Variants in MAN1C1 observed in about 807,000 individuals in gnomAD.
The protein encoded by MAN1C1 is mannosidase alpha class 1C member 1, also known as mannosyl-oligosaccharide 1,2-alpha-mannosidase IC.
A neutral mutation model predicts 71.5 loss-of-function variants in MAN1C1; 49 were observed. That is an observed-to-expected ratio of 0.69 (90% CI 0.54 to 0.87). MAN1C1 has a LOEUF of 0.87. Among genes scored for constraint, MAN1C1 ranks in the 40% least tolerant of loss-of-function variants. The pLI, the probability that MAN1C1 is intolerant of heterozygous loss-of-function variation, is 0.00. For synonymous variants in MAN1C1, 352 were observed against 343.7 expected (o/e 1.02, Z -0.27); for missense variants, 743 against 835.0 (o/e 0.89, Z 1.36).
At chr1:25,657,471 A>G (rs923127936) in intron 1 of MAN1C1, among the ~76,000 whole-genome samples, 7 of 152,182 alleles carry the variant, frequency 4.6e-5, no homozygotes, top group African/African-American at 1.4e-4. Flanking sequence ...GGAGGTGCCT[A>G]CCTTCTAGTG....
intron 8 of MAN1C1, among the ~76,000 whole-genome samples, chr1:25,773,868 A>G (rs979358215): frequency 1.3e-5 from 2 of 152,162 alleles, no homozygotes; most frequent in African/African-American, 4.8e-5. Flanking sequence ...TGGGGTTTTG[A>G]AGAATTTTCT....
In MAN1C1 at chr1:25,779,342, T is replaced by C. The variant is rs1039587207; in HGVS notation, c.1477+1018T>C. Among the ~76,000 whole-genome samples the C allele has an allele frequency of 6.6e-6, 1 of 152,168 alleles. No individual in the cohort carries two copies. Among genetic ancestry groups the C allele is most frequent in the African/African-American group, 2.4e-5 (1 of 41,454 alleles). On this transcript the variant is annotated intron_variant, in intron 9 of 11. Transcript: ENST00000374332. The surrounding 1 kb of genome is among the most constrained non-coding windows in gnomAD (Gnocchi z 4.6). ...CACAGGGTCCCATGAGAAAGTACCT[T>C]GGCAGCCACCTTTGGCCAGCAGCAC...
intron 1 of MAN1C1, among the ~76,000 whole-genome samples, chr1:25,647,055 A>G (rs1365083257): frequency 6.6e-6 from 1 of 152,120 alleles, no homozygotes; most frequent in Non-Finnish European, 1.5e-5. Context: ...GGAGGTGGTG[A>G]CTTTGGAAGC....
Position 25,635,125 on chromosome 1 carries a change from G to C in MAN1C1, c.540+16788G>C, listed in dbSNP as rs1390532084. ...AAGTGATCTCCTGTCTCAGCCTCCA[G>C]AGTAACGAGGACTACAGATGTGTGC... On this transcript the variant is annotated intron_variant, in intron 1 of 11. Transcript: ENST00000374332. Among the ~76,000 whole-genome samples, 4 of 152,154 alleles carry C rather than the reference G, an allele frequency of 2.6e-5. No individual in the cohort carries two copies. In the East Asian group the frequency reaches 7.7e-4, roughly 29 times the overall value.
chr1:25,655,612 T>C (rs1408473526), intron 1 of MAN1C1, among the ~76,000 whole-genome samples: 3 of 152,148 alleles, frequency 2.0e-5, no homozygotes, highest in Non-Finnish European at 4.4e-5. Flanking sequence ...TCTAGCTTTT[T>C]AGAAGGCAGA....
rs914209859 is a variant in MAN1C1, at chr1:25,711,662, C to T, written c.637+25126C>T. Among the ~76,000 whole-genome samples the T allele has an allele frequency of 6.6e-6, 1 of 150,852 alleles. No individual in the cohort carries two copies. The highest frequency in any genetic ancestry group is 6.6e-5 in the Admixed American group (1 of 15,158). On this transcript the variant is annotated intron_variant, in intron 2 of 11. Transcript: ENST00000374332. The surrounding 1 kb of genome is among the most constrained non-coding windows in gnomAD (Gnocchi z 4.3). Reference sequence around the variant, plus strand: ...CCTGCGGCCCCGCCCCTCCTCCCTGCGGCCCCGCCCCTCCCCTGCGTGCTG... The same window carrying T: ...CCTGCGGCCCCGCCCCTCCTCCCTGTGGCCCCGCCCCTCCCCTGCGTGCTG...
intron 2 of MAN1C1, among the ~76,000 whole-genome samples, chr1:25,714,938 A>C (rs1411855609): frequency 6.6e-6 from 1 of 152,152 alleles, no homozygotes; most frequent in Non-Finnish European, 1.5e-5. Context: ...ATGCAAAAAA[A>C]CTCAAGCCCA....
At chr1:25,727,326 G>C (rs1572177583) in intron 2 of MAN1C1, among the ~76,000 whole-genome samples, 1 of 152,300 alleles carries the variant, frequency 6.6e-6, no homozygotes, top group East Asian at 1.9e-4. Context: ...CGTAGTCCAG[G>C]GCACTGGTGG....
chr1:25,686,597 T>G (rs928427475), intron 2 of MAN1C1, 61 bp downstream of exon 2: 2 of 1,471,610 alleles, frequency 1.4e-6, no homozygotes, highest in Non-Finnish European at 1.9e-6. Flanking sequence ...AGTGGCCGAG[T>G]GGAATTTTAC....
intron 2 of MAN1C1, among the ~76,000 whole-genome samples, chr1:25,700,835 T>C (rs1270361442): frequency 6.6e-6 from 1 of 151,732 alleles, no homozygotes; most frequent in Non-Finnish European, 1.5e-5. Flanking sequence ...GAGGCCCTGC[T>C]GGGCAGTGTT....
At position 25,781,055 on chromosome 1, in the gene MAN1C1, C is replaced by G; in HGVS notation, c.1593C>G (p.Tyr531Ter). The G allele has an allele frequency of 6.2e-7, 1 of 1,614,094 alleles. No homozygotes were observed. The highest frequency in any genetic ancestry group is 8.5e-7 in the Non-Finnish European group (1 of 1,180,022). The change falls in exon 10 of 12, where the codon TAC (tyrosine) becomes TAG (stop). Residue 531 changes from tyrosine to a stop codon, truncating the protein, a stop_gained. Transcript: ENST00000374332. LOFTEE classifies it high-confidence loss of function. ...CAGAGGTGGTGGAGAGCTACATGTA[C>G]CTGTGGCGACAGACCCACAACCCCA... is the stretch of plus-strand genomic sequence containing the variant. ...LRPEVVESYM[Y>*]LWRQTHNPIY...
At position 25,617,781 on chromosome 1, in the gene MAN1C1, C is replaced by G; in HGVS notation, c.-17C>G. The G allele has an allele frequency of 5.1e-6, 8 of 1,573,020 alleles. No individual in the cohort carries two copies. The highest frequency in any genetic ancestry group is 6.9e-6 in the Non-Finnish European group (8 of 1,163,936). On this transcript the variant is annotated 5_prime_UTR_variant, in exon 1 of 12. Transcript: ENST00000374332. This position sits in a 1 kb window ranked among gnomAD's most constrained non-coding sequence, Gnocchi z 5.1. ...GCCTGGACTCCGAGGGCTTCTGGAGCCACCGGCCGGGCCACGATGCTCATG... is the reference window on the plus strand; with the variant it reads ...GCCTGGACTCCGAGGGCTTCTGGAGGCACCGGCCGGGCCACGATGCTCATG...
chr1:25,721,674 C>T (rs559825482), intron 2 of MAN1C1, among the ~76,000 whole-genome samples: 2 of 152,276 alleles, frequency 1.3e-5, no homozygotes, highest in African/African-American at 2.4e-5. Flanking sequence ...TAGTAGATTC[C>T]GTAGGATTTT....
chr1:25,732,463 C>T (rs768254759), intron 2 of MAN1C1, among the ~76,000 whole-genome samples: 5 of 152,160 alleles, frequency 3.3e-5, no homozygotes, highest in Non-Finnish European at 7.4e-5. Flanking sequence ...AAAACAGGGG[C>T]AGGAATTGCA....
chr1:25,646,435 T>G (rs2045614459), intron 1 of MAN1C1: 2 of 152,266 alleles, frequency 1.3e-5, no homozygotes. Flanking sequence ...TAAAAAATTG[T>G]GGTAAAATAC....
rs1355160243 is a variant in MAN1C1 at position 25,735,480 on chromosome 1, A to ATATATGTGTG, written c.638-11174_638-11165dup. Among the ~76,000 whole-genome samples the ATATATGTGTG allele has an allele frequency of 6.6e-6, 1 of 152,234 alleles. No homozygotes were observed. The highest frequency in any genetic ancestry group is 1.9e-4 in the East Asian group (1 of 5,190). The stretch of plus-strand genomic sequence containing the variant: ...TGTGTGTATCTATATATGTGTATGT[A>ATATATGTGTG]TATATGTGTGTATATGTGTGTATGT... On this transcript the variant is annotated intron_variant, in intron 2 of 11. Transcript: ENST00000374332. The surrounding 1 kb of genome is among the most constrained non-coding windows in gnomAD (Gnocchi z 4.6).
intron 1 of MAN1C1, among the ~76,000 whole-genome samples, chr1:25,633,048 A>G (rs1434524676): frequency 6.6e-6 from 1 of 151,886 alleles, no homozygotes; most frequent in Non-Finnish European, 1.5e-5. Context: ...TTGTATTTTT[A>G]GTAGAGACGG....
In MAN1C1 at chr1:25,763,905, T is replaced by C; in HGVS notation, c.1079T>C (p.Ile360Thr). 3 of 1,613,860 alleles carry C rather than the reference T, an allele frequency of 1.9e-6. No individual in the cohort carries two copies. The highest frequency in any genetic ancestry group is 2.5e-6 in the Non-Finnish European group (3 of 1,180,020). The change falls in exon 7 of 12, where the codon ATC becomes ACC. Residue 360 changes from isoleucine (I) to threonine (T), a missense_variant. Coordinates refer to ENST00000374332, the MANE Select transcript of MAN1C1 (RefSeq NM_020379.4). Reference protein sequence around the residue: ...VRNIRKVLRKIEKPFGLYPNF... With the variant: ...VRNIRKVLRKTEKPFGLYPNF... Reference sequence around the variant, plus strand: ...AACATCCGCAAGGTCCTCAGGAAGATCGAAAAGCCCTTTGGCCTCTACCCC... The same window carrying C: ...AACATCCGCAAGGTCCTCAGGAAGACCGAAAAGCCCTTTGGCCTCTACCCC...
intron 1 of MAN1C1, chr1:25,644,723 G>A (rs2045590049): frequency 6.6e-6 from 1 of 151,696 alleles, no homozygotes; most frequent in African/African-American, 2.4e-5. Context: ...GTTTTGCCAT[G>A]TGACCCAGCC....
Sources: gnomAD v4.1 joint callset for allele counts (sites outside exome capture counted in the v4.1 genomes callset) on GRCh38, gnomAD v4.1.1 for gene constraint, Gnocchi (gnomAD v3.1) non-coding constraint, MANE v1.5 for transcripts, NCBI Gene and HGNC (gene_info 2026-07-23, HGNC 2026-07-21) for gene names.